MYRIP: variants seen among roughly 807,000 people sequenced by gnomAD.
MYRIP encodes rab effector MyRIP.
A neutral mutation model predicts 98.0 loss-of-function variants in MYRIP; 49 were observed. That is an observed-to-expected ratio of 0.50 (90% CI 0.40 to 0.63). The LOEUF (loss-of-function observed/expected upper bound fraction) is 0.63, where lower values mean the gene tolerates loss of function less well. MYRIP is among the 30% of genes least tolerant of loss of function. The pLI is 0.00. For synonymous variants in MYRIP, 404 were observed against 409.5 expected (o/e 0.99, Z 0.16); for missense variants, 1,004 against 1,058.2 (o/e 0.95, Z 0.71).
At chr3:39,882,015 A>G (rs1204284926) in intron 1 of MYRIP, among the ~76,000 whole-genome samples, 1 of 152,024 alleles carries the variant, frequency 6.6e-6, no homozygotes, top group African/African-American at 2.4e-5. Context: ...TTAATCCAAT[A>G]CATTTTACTA....
intron 2 of MYRIP, among the ~76,000 whole-genome samples, chr3:39,996,127 A>G (rs1946347370): frequency 6.6e-6 from 1 of 152,216 alleles, no homozygotes; most frequent in Admixed American, 6.5e-5. Context: ...GCATCAACTA[A>G]GGAGCAAAAT....
chr3:39,834,294 A>T (rs1918027), intron 1 of MYRIP, among the ~76,000 whole-genome samples: 29,979 of 152,154 alleles, frequency 0.2, 3,065 homozygotes, highest in South Asian at 0.29. Context: ...GTTTTCAAAA[A>T]TAGGCTATTT....
At chr3:40,212,042 A>G (rs529872855) in intron 11 of MYRIP, among the ~76,000 whole-genome samples, 1 of 151,424 alleles carries the variant, frequency 6.6e-6, no homozygotes, top group African/African-American at 2.4e-5. Flanking sequence ...AATGAATTAA[A>G]TATTCAAACA....
intron 16 of MYRIP, among the ~76,000 whole-genome samples, chr3:40,257,116 A>G (rs909092393): frequency 6.6e-6 from 1 of 152,242 alleles, no homozygotes; most frequent in Non-Finnish European, 1.5e-5. Context: ...ACTTGAGGCC[A>G]GGAGTTCAAG....
At chr3:39,874,264 T>C (rs945084557) in intron 1 of MYRIP, among the ~76,000 whole-genome samples, 2 of 152,152 alleles carry the variant, frequency 1.3e-5, no homozygotes, top group African/African-American at 4.8e-5. Flanking sequence ...GTTTTCTAGA[T>C]ATACAATCAT....
chr3:40,149,733 C>T (rs1261324124), intron 3 of MYRIP, among the ~76,000 whole-genome samples: 3 of 152,218 alleles, frequency 2.0e-5, no homozygotes, highest in South Asian at 2.1e-4. Flanking sequence ...AGAGTCCAAG[C>T]TCTTCCATCT....
intron 3 of MYRIP, among the ~76,000 whole-genome samples, chr3:40,138,302 C>G (rs1949823427): frequency 6.6e-6 from 1 of 152,150 alleles, no homozygotes; most frequent in South Asian, 2.1e-4. Flanking sequence ...TGGTCTTTCT[C>G]TTGGAGCTCT....
chr3:40,185,270 T>C (rs1223087932), intron 9 of MYRIP, among the ~76,000 whole-genome samples: 1 of 152,220 alleles, frequency 6.6e-6, no homozygotes, highest in Non-Finnish European at 1.5e-5. Flanking sequence ...GTCTTGACGC[T>C]GCTTATAGCA....
intron 1 of MYRIP, among the ~76,000 whole-genome samples, chr3:39,876,570 G>T (rs1319653092): frequency 6.6e-6 from 1 of 151,818 alleles, no homozygotes. Context: ...TTGCTTGTCT[G>T]TAAAGGATTT....
chr3:40,228,141 T>G (rs1279743444), intron 11 of MYRIP, among the ~76,000 whole-genome samples: 1 of 152,038 alleles, frequency 6.6e-6, no homozygotes, highest in African/African-American at 2.4e-5. Context: ...CCCATGGATA[T>G]CTAGAGCTGA....
intron 3 of MYRIP, among the ~76,000 whole-genome samples, chr3:40,105,790 G>A (rs574461019): frequency 1.6e-4 from 24 of 151,972 alleles, no homozygotes; most frequent in African/African-American, 5.5e-4. Flanking sequence ...GGCAGGAAGG[G>A]GCAAGAACCC....
intron 1 of MYRIP, among the ~76,000 whole-genome samples, chr3:39,886,783 G>A (rs1413578372): frequency 6.6e-6 from 1 of 151,740 alleles, no homozygotes; most frequent in Non-Finnish European, 1.5e-5. Context: ...AGATCAACGA[G>A]ACAGAAAGTC....
chr3:40,190,389 C>T lies in MYRIP; in HGVS notation c.1591C>T (p.Arg531Ter). Reference protein sequence around the residue: ...DRRARRWRRARLGSEEPSKEP... With the variant: ...DRRARRWRRA Reference sequence around the variant, plus strand: ...GCGGGCCAGGAGGTGGAGAAGAGCCCGACTGGGCTCAGAAGAGCCAAGCAA... The same window carrying T: ...GCGGGCCAGGAGGTGGAGAAGAGCCTGACTGGGCTCAGAAGAGCCAAGCAA... Residue 531 changes from arginine to a stop codon, truncating the protein, a stop_gained, in exon 10 of 17, where the codon CGA becomes TGA. Transcript: ENST00000302541. LOFTEE classifies it high-confidence loss of function. 1 of 1,613,794 alleles carries T rather than the reference C, an allele frequency of 6.2e-7. No individual in the cohort carries two copies.
intron 1 of MYRIP, among the ~76,000 whole-genome samples, chr3:39,898,182 G>C (rs1943659368): frequency 6.6e-6 from 1 of 152,092 alleles, no homozygotes; most frequent in Admixed American, 6.5e-5. Context: ...AGTACATTAG[G>C]TTTCTTCCTG....
intron 3 of MYRIP, among the ~76,000 whole-genome samples, chr3:40,086,000 A>G (rs1449501502): frequency 6.6e-6 from 1 of 152,204 alleles, no homozygotes; most frequent in Non-Finnish European, 1.5e-5. Context: ...GTGTTATAAT[A>G]CCAAGAGCAA....
At chr3:39,933,675 G>T (rs1944592050) in intron 2 of MYRIP, among the ~76,000 whole-genome samples, 1 of 152,066 alleles carries the variant, frequency 6.6e-6, no homozygotes, top group African/African-American at 2.4e-5. Context: ...AAGGTTTCAG[G>T]CAATAAAATA....
At chr3:40,106,306 T>G (rs908138541) in intron 3 of MYRIP, among the ~76,000 whole-genome samples, 2 of 152,136 alleles carry the variant, frequency 1.3e-5, no homozygotes, top group African/African-American at 2.4e-5. Context: ...ATTTGTTATT[T>G]CTTCTTCAGC....
intron 2 of MYRIP, among the ~76,000 whole-genome samples, chr3:40,028,591 AAC>A (rs1947188026): frequency 1.3e-5 from 2 of 152,126 alleles, no homozygotes; most frequent in Admixed American, 1.3e-4. Context: ...CACTCAGAAA[AAC>A]AGAGGCCCCA....
Position 40,191,694 on chromosome 3 carries a change from T to C in MYRIP, c.1665+1231T>C, listed in dbSNP as rs182364695. Among the ~76,000 whole-genome samples the C allele has an allele frequency of 3.8e-4, 58 of 152,328 alleles. 1 individual carries two copies. Among genetic ancestry groups the C allele is most frequent in the Admixed American group, 1.4e-3 (22 of 15,306 alleles). Reference sequence around the variant, plus strand: ...AAAAGGTATTTTATTTAGTCCAAGCTTCGTTTTCTCCTCTGTAAAACAGAA... The same window carrying C: ...AAAAGGTATTTTATTTAGTCCAAGCCTCGTTTTCTCCTCTGTAAAACAGAA... On this transcript the variant is annotated intron_variant, in intron 10 of 16. Transcript: ENST00000302541.
Sources: allele counts gnomAD v4.1 joint callset (sites outside exome capture counted in the v4.1 genomes callset), GRCh38; gene constraint gnomAD v4.1.1; transcripts MANE v1.5; gene names NCBI Gene and HGNC (gene_info 2026-07-23, HGNC 2026-07-21).